FOCAD: variants seen among roughly 807,000 people sequenced by gnomAD.
The protein encoded by FOCAD is focadhesin.
In FOCAD, 198 loss-of-function variants were observed where a neutral mutation model predicts 225.6. The observed-to-expected ratio is 0.88, with a 90% CI of 0.78 to 0.99. The LOEUF is 0.99. Ranked by LOEUF, FOCAD falls within the 50% of genes least tolerant of loss-of-function variation. FOCAD has a pLI of 0.00. For missense variants in FOCAD, 2,713 were observed against 2,123.6 expected (o/e 1.28, Z -5.46); for synonymous variants, 897 against 755.0 (o/e 1.19, Z -3.08).
intron 35 of FOCAD, among the ~76,000 whole-genome samples, chr9:20,956,951 C>T (rs1367758400): frequency 6.6e-6 from 1 of 152,124 alleles, no homozygotes; most frequent in Non-Finnish European, 1.5e-5. Flanking sequence ...GCCTCGGCCT[C>T]CCAAAATGCT....
rs564997477 is a variant in FOCAD, at chr9:20,848,050, C to T, written c.1921-14528C>T. Among the ~76,000 whole-genome samples the T allele has an allele frequency of 7.9e-5, 12 of 152,074 alleles. No homozygotes were observed. The East Asian group carries it at 9.7e-4, about 12-fold the overall frequency. On this transcript the variant is annotated intron_variant, in intron 15 of 43. Coordinates refer to ENST00000338382, the MANE Select transcript of FOCAD (RefSeq NM_001375567.1). Reference sequence around the variant, plus strand: ...GGTAAGGGAAAACTTTCTCTCTGCTCTCTGAAGGTTTGCCGAAAATCACTG... The same window carrying T: ...GGTAAGGGAAAACTTTCTCTCTGCTTTCTGAAGGTTTGCCGAAAATCACTG...
intron 15 of FOCAD, among the ~76,000 whole-genome samples, chr9:20,826,087 T>G (rs1409624159): frequency 6.6e-6 from 1 of 152,104 alleles, no homozygotes; most frequent in South Asian, 2.1e-4. Context: ...CTACTATTTC[T>G]TGGGTTCTGT....
intron 15 of FOCAD, among the ~76,000 whole-genome samples, chr9:20,829,717 T>C (rs1284159805): frequency 6.6e-6 from 1 of 152,096 alleles, no homozygotes; most frequent in African/African-American, 2.4e-5. Flanking sequence ...TATCAAACCA[T>C]AGGAGAGATC....
At chr9:20,796,353 T>C in intron 11 of FOCAD, among the ~76,000 whole-genome samples, 1 of 152,182 alleles carries the variant, frequency 6.6e-6, no homozygotes, top group Non-Finnish European at 1.5e-5. Context: ...CTGGGTCAAA[T>C]GGTATTTCTA....
chr9:20,916,481 TAGTC>T (rs1259464870), intron 23 of FOCAD, among the ~76,000 whole-genome samples: 5 of 152,182 alleles, frequency 3.3e-5, no homozygotes, highest in South Asian at 2.1e-4. Flanking sequence ...GAGACTGTCT[TAGTC>T]AGTTTGGGCT....
intron 12 of FOCAD, 136 bp from the exon 13 acceptor site, chr9:20,820,188 A>G (rs769107681): frequency 3.5e-5 from 22 of 620,870 alleles, no homozygotes; most frequent in African/African-American, 2.5e-4. Flanking sequence ...TTCATCCTCT[A>G]AGAAGGTGGG....
intron 15 of FOCAD, among the ~76,000 whole-genome samples, chr9:20,850,336 G>A (rs553288444): frequency 2.0e-5 from 3 of 151,590 alleles, no homozygotes; most frequent in African/African-American, 7.2e-5. Context: ...AGATTTAGGA[G>A]GTACAAGTGC....
At chr9:20,655,883 A>G (rs796528096), upstream of FOCAD, among the ~76,000 whole-genome samples, 1,167 of 151,968 alleles carry the variant, frequency 7.7e-3, 16 homozygotes, top group African/African-American at 0.027. Flanking sequence ...TGTCAATTTT[A>G]GATCTTTCCT....
At chr9:20,721,208 A>G (rs1259572219) in intron 4 of FOCAD, among the ~76,000 whole-genome samples, 1 of 152,168 alleles carries the variant, frequency 6.6e-6, no homozygotes, top group African/African-American at 2.4e-5. Context: ...GTCTTGATCT[A>G]TATGTCCTAA....
intron 15 of FOCAD, among the ~76,000 whole-genome samples, chr9:20,850,569 A>G (rs1010243372): frequency 6.6e-6 from 1 of 151,818 alleles, no homozygotes; most frequent in African/African-American, 2.4e-5. Flanking sequence ...TGCAGTCTTT[A>G]TACTTCTTAA....
At chr9:20,835,827 T>C (rs1317336848) in intron 15 of FOCAD, among the ~76,000 whole-genome samples, 1 of 152,030 alleles carries the variant, frequency 6.6e-6, no homozygotes, top group Non-Finnish European at 1.5e-5. Flanking sequence ...GAAGAAAAGC[T>C]CTTTCATCTT....
chr9:20,752,622 G>C (rs1236731096), intron 5 of FOCAD, among the ~76,000 whole-genome samples: 5 of 151,908 alleles, frequency 3.3e-5, no homozygotes, highest in African/African-American at 1.2e-4. Flanking sequence ...TTTTGGCTTA[G>C]GATTGACTCG....
chr9:20,905,762 A>AACTCCTGGTAGTTATC (rs2132010830), intron 21 of FOCAD, among the ~76,000 whole-genome samples: 1 of 152,156 alleles, frequency 6.6e-6, no homozygotes, highest in East Asian at 1.9e-4. Context: ...CACCTGGATA[A>AACTCCTGGTAGTTATC]CAGGAGAAGA....
At chr9:20,859,457 A>C (rs1828552802) in intron 15 of FOCAD, among the ~76,000 whole-genome samples, 1 of 150,758 alleles carries the variant, frequency 6.6e-6, no homozygotes, top group East Asian at 1.9e-4. Flanking sequence ...TTTTCCCTTT[A>C]ACTTTGAAGA....
chr9:20,968,928 A>G (rs751275343), intron 35 of FOCAD, among the ~76,000 whole-genome samples: 1 of 152,108 alleles, frequency 6.6e-6, no homozygotes, highest in East Asian at 1.9e-4. Flanking sequence ...GTCCCCCAGT[A>G]TACTGTATTT....
At chr9:20,745,688 C>G (rs755230262) in intron 5 of FOCAD, among the ~76,000 whole-genome samples, 1 of 152,050 alleles carries the variant, frequency 6.6e-6, no homozygotes, top group Non-Finnish European at 1.5e-5. Flanking sequence ...TTCCAGAATT[C>G]GTGTATTTTT....
chr9:20,833,029 G>A (rs1825665746), intron 15 of FOCAD, among the ~76,000 whole-genome samples: 1 of 152,058 alleles, frequency 6.6e-6, no homozygotes, highest in Non-Finnish European at 1.5e-5. Context: ...ACCCAGAAGA[G>A]GGATTGCTAG....
chr9:20,853,314 T>G (rs1213744594), intron 15 of FOCAD, among the ~76,000 whole-genome samples: 1 of 151,802 alleles, frequency 6.6e-6, no homozygotes, highest in Non-Finnish European at 1.5e-5. Context: ...TCTCTGGCTG[T>G]TGAGTAGTGA....
At chr9:20,855,676 A>T (rs1332875703) in intron 15 of FOCAD, among the ~76,000 whole-genome samples, 1 of 151,520 alleles carries the variant, frequency 6.6e-6, no homozygotes. Context: ...ACTCTATTCT[A>T]TCAAATGCTA....
Sources: gnomAD v4.1 joint callset for allele counts (sites outside exome capture counted in the v4.1 genomes callset) on GRCh38, gnomAD v4.1.1 for gene constraint, MANE v1.5 for transcripts, NCBI Gene and HGNC (gene_info 2026-07-23, HGNC 2026-07-21) for gene names.